MALRD1: variants seen among roughly 807,000 people sequenced by gnomAD.
MALRD1 encodes MAM and LDL-receptor class A domain-containing protein 1.
MALRD1 carries 247 observed loss-of-function variants against 242.1 expected under a neutral mutation model. The ratio of observed to expected loss-of-function variants is 1.02; its 90% CI spans 0.92 to 1.13. MALRD1 has a LOEUF of 1.13. Ranked by LOEUF, MALRD1 falls within the 50% of genes most tolerant of loss-of-function variation. The pLI is 0.00. For missense variants in MALRD1, 2,989 were observed against 2,533.1 expected, an observed-to-expected ratio of 1.18 and a Z score of -3.86; for synonymous variants, 995 against 866.6, an observed-to-expected ratio of 1.15 and a Z score of -2.60.
chr10:19,684,698 G>A (rs1022928897), intron 36 of MALRD1, among the ~76,000 whole-genome samples: 1 of 152,212 alleles, frequency 6.6e-6, no homozygotes, highest in African/African-American at 2.4e-5. Flanking sequence ...GTTGCAGTGA[G>A]CCAAGATTGT....
chr10:19,146,308 T>C lies in MALRD1; in HGVS notation c.1522T>C (p.Phe508Leu). 8.1e-7 allele frequency: 1 copy of C among 1,231,660 alleles called. No individual in the cohort carries two copies. The highest frequency in any genetic ancestry group is 1.0e-6 in the Non-Finnish European group (1 of 987,912). The allele number at this position is 1,231,660 out of a possible 1,614,324, so 76.3% of individuals were successfully genotyped here. The change falls in exon 11 of 40, where the codon TTT becomes CTT. Residue 508 changes from phenylalanine (F) to leucine (L), a missense_variant. Phe to Leu is a conservative substitution (Grantham distance 22). Transcript: ENST00000454679. ...AGGATTGAATAATGGAGAGCACCAC[T>C]TTCCTGCAGCTGATCACACAGCAAA... ...MKGLNNGEHH[F>L]PAADHTANIN...
At chr10:19,702,294 T>A (rs1833663794) in intron 38 of MALRD1, among the ~76,000 whole-genome samples, 1 of 152,190 alleles carries the variant, frequency 6.6e-6, no homozygotes, top group Admixed American at 6.5e-5. Flanking sequence ...CACACCCTAC[T>A]CTTGGGAAAA....
chr10:19,548,817 C>T (rs536494647), intron 32 of MALRD1, among the ~76,000 whole-genome samples: 26 of 152,152 alleles, frequency 1.7e-4, no homozygotes, highest in Non-Finnish European at 2.1e-4. Context: ...AGTGTTCAAG[C>T]GAAAGGAAGA....
At chr10:19,264,764 T>TA (rs902106204) in intron 19 of MALRD1, among the ~76,000 whole-genome samples, 43 of 151,540 alleles carry the variant, frequency 2.8e-4, no homozygotes, top group African/African-American at 9.2e-4. Context: ...AGGCTGATCT[T>TA]AAAAAATGAG....
Position 19,497,830 on chromosome 10 carries a change from G to C in MALRD1, c.5159-655G>C, listed in dbSNP as rs149056722. On this transcript the variant is annotated intron_variant, in intron 30 of 39. Coordinates refer to ENST00000454679, the MANE Select transcript of MALRD1 (RefSeq NM_001142308.3). ...CAAAAAAAAGAAAAATGAAAGCCTA[G>C]ATCAGGGTATCATGATGGCACTTTT... 2.8e-3 allele frequency among the ~76,000 whole-genome samples: 426 copies of C among 152,278 alleles called. 5 individuals are homozygous for C. Among genetic ancestry groups the C allele is most frequent in the African/African-American group, 9.6e-3 (398 of 41,554 alleles).
chr10:19,318,782 G>C lies in MALRD1; in HGVS notation c.3420-5167G>C, dbSNP rs79002537. Among the ~76,000 whole-genome samples the C allele has an allele frequency of 7.2e-3, 1,087 of 151,890 alleles. 12 individuals carry two copies. The highest frequency in any genetic ancestry group is 0.05 in the South Asian group (241 of 4,810). The stretch of plus-strand genomic sequence containing the variant: ...ACCCTTATATTTTTATTACACATGT[G>C]CTTTATTAATTTTAAATTCACTTGG... On this transcript the variant is annotated intron_variant, in intron 21 of 39. Transcript: ENST00000454679.
chr10:19,156,053 C>T (rs768504782), intron 12 of MALRD1, among the ~76,000 whole-genome samples: 4 of 152,100 alleles, frequency 2.6e-5, no homozygotes, highest in South Asian at 2.1e-4. Flanking sequence ...GCTAATTTTT[C>T]GTCTTTACTT....
intron 36 of MALRD1, among the ~76,000 whole-genome samples, chr10:19,654,367 T>C (rs1841042927): frequency 6.6e-6 from 1 of 152,170 alleles, no homozygotes; most frequent in Non-Finnish European, 1.5e-5. Context: ...CATTCAAGCC[T>C]GTATGTAAAT....
Position 19,595,314 on chromosome 10 carries a change from A to G in MALRD1, c.5801A>G (p.Asp1934Gly). ...CATGAAGACTGCATAGATGGATCTG[A>G]TGAAATGGATTGTCCTCTCAGCCCC... ...DGHEDCIDGS[D>G]EMDCPLSPTP... Residue 1934 changes from aspartate to glycine, a missense_variant, in exon 34 of 40, where the codon GAT (aspartate) becomes GGT (glycine). Transcript: ENST00000454679. The G allele has an allele frequency of 6.4e-7, 1 of 1,550,832 alleles. No homozygotes were observed. Among genetic ancestry groups the G allele is most frequent in the Non-Finnish European group, 8.7e-7 (1 of 1,147,028 alleles).
intron 38 of MALRD1, among the ~76,000 whole-genome samples, chr10:19,707,050 T>TTCC (rs897719319): frequency 1.3e-5 from 2 of 149,514 alleles, no homozygotes; most frequent in African/African-American, 5.0e-5. Context: ...TTTCTTCTTC[T>TTCC]TCCTCCTCCT....
chr10:19,270,807 A>ACACACAC lies in MALRD1; in HGVS notation c.3080-9240_3080-9239insCACACAC, dbSNP rs1840192830. On this transcript the variant is annotated intron_variant, in intron 19 of 39. Transcript: ENST00000454679. ...AGGGTTAAGATGGCATTCAAAGGAT[A>ACACACAC]ACACACACACACACACACACACACA... Among the ~76,000 whole-genome samples the ACACACAC allele has an allele frequency of 6.0e-3, 878 of 145,136 alleles. 10 individuals are homozygous for ACACACAC. The highest frequency in any genetic ancestry group is 0.021 in the African/African-American group (816 of 39,066).
At chr10:19,261,458 A>G (rs1017575635) in intron 19 of MALRD1, among the ~76,000 whole-genome samples, 11 of 152,044 alleles carry the variant, frequency 7.2e-5, no homozygotes, top group African/African-American at 2.7e-4. Flanking sequence ...AAAAAAAAAA[A>G]AAATGTTACT....
intron 21 of MALRD1, among the ~76,000 whole-genome samples, chr10:19,301,278 C>T: frequency 6.6e-6 from 1 of 151,914 alleles, no homozygotes; most frequent in East Asian, 1.9e-4. Context: ...TAAATCTGTT[C>T]AGCTGTTGTG....
chr10:19,048,119 C>G (rs1038883007), upstream of MALRD1, among the ~76,000 whole-genome samples: 4 of 152,096 alleles, frequency 2.6e-5, no homozygotes, highest in Non-Finnish European at 5.9e-5. Flanking sequence ...AAAAGTAAAT[C>G]GTGATGAATT....
In MALRD1 at chr10:19,452,048, CT is replaced by C. The variant is rs1367754578; in HGVS notation, c.5029+1561del. ...TGCTTCTTGAACTCTCTCCTAGTAA[CT>C]TTCCAAGTAATATGTTGAAATTCTA... On this transcript the variant is annotated intron_variant, in intron 29 of 39. Coordinates refer to ENST00000454679, the MANE Select transcript of MALRD1 (RefSeq NM_001142308.3). Among the ~76,000 whole-genome samples the C allele has an allele frequency of 2.6e-5, 4 of 152,288 alleles. No individual in the cohort carries two copies. In the East Asian group the frequency reaches 5.8e-4, roughly 22 times the overall value.
chr10:19,362,991 GTGAGGGAGAC>G lies in MALRD1; in HGVS notation c.4441+10697_4441+10706del, dbSNP rs566178275. On this transcript the variant is annotated intron_variant, in intron 26 of 39. Coordinates refer to ENST00000454679, the MANE Select transcript of MALRD1 (RefSeq NM_001142308.3). ...AAGGATGAATTTGCCATCAGAGGAA[GTGAGGGAGAC>G]TGTGGGAGGAGCAGATTTCATGGGG... is the stretch of plus-strand genomic sequence containing the variant. Among the ~76,000 whole-genome samples the G allele has an allele frequency of 3.7e-3, 567 of 152,164 alleles. 2 individuals carry two copies. Among genetic ancestry groups the G allele is most frequent in the African/African-American group, 0.013 (537 of 41,550 alleles).
At chr10:19,153,491 G>A (rs1834014759) in intron 11 of MALRD1, among the ~76,000 whole-genome samples, 1 of 152,064 alleles carries the variant, frequency 6.6e-6, no homozygotes, top group South Asian at 2.1e-4. Context: ...CAAGGCAGGA[G>A]GATTGCTTGA....
intron 38 of MALRD1, among the ~76,000 whole-genome samples, chr10:19,701,182 GAA>G (rs912950002): frequency 6.6e-6 from 1 of 151,986 alleles, no homozygotes; most frequent in African/African-American, 2.4e-5. Flanking sequence ...TAAAAAGAGA[GAA>G]AGAGAGAGAG....
chr10:19,679,312 A>G (rs1203517975), intron 36 of MALRD1, among the ~76,000 whole-genome samples: 1 of 152,056 alleles, frequency 6.6e-6, no homozygotes, highest in Non-Finnish European at 1.5e-5. Flanking sequence ...TTGGTAGACT[A>G]TTTATTACTG....
Sources: gnomAD v4.1 joint callset for allele counts (sites outside exome capture counted in the v4.1 genomes callset) on GRCh38, gnomAD v4.1.1 for gene constraint, MANE v1.5 for transcripts, NCBI Gene and HGNC (gene_info 2026-07-23, HGNC 2026-07-21) for gene names.